The following TMC7 variants were observed in gnomAD, a reference collection of about 807,000 sequenced individuals.
The protein encoded by TMC7 is transmembrane channel-like protein 7.
A neutral mutation model predicts 82.9 loss-of-function variants in TMC7; 54 were observed. That is an observed-to-expected ratio of 0.65 (90% CI 0.52 to 0.82). The LOEUF is 0.82. Ranked by LOEUF, TMC7 falls within the 40% of genes least tolerant of loss-of-function variation. The probability of loss-of-function intolerance (pLI) is 0.00; values close to 1 mark genes in which losing one functional copy is unlikely to be tolerated. For missense variants in TMC7, 820 were observed against 901.2 expected, an observed-to-expected ratio of 0.91 and a Z score of 1.15; for synonymous variants, 350 against 337.9, an observed-to-expected ratio of 1.04 and a Z score of -0.39.
At chr16:18,986,107 G>A (rs984511873) in intron 1 of TMC7, among the ~76,000 whole-genome samples, 4 of 151,788 alleles carry the variant, frequency 2.6e-5, no homozygotes, top group Admixed American at 6.6e-5. Flanking sequence ...AAAACTTTCC[G>A]GTGGCTGGCC....
chr16:19,004,982 C>A (rs1406937653), intron 1 of TMC7, among the ~76,000 whole-genome samples: 1 of 151,898 alleles, frequency 6.6e-6, no homozygotes, highest in Non-Finnish European at 1.5e-5. Context: ...GAGACCACAC[C>A]AGCACAATGG....
intron 5 of TMC7, among the ~76,000 whole-genome samples, chr16:19,029,191 G>A (rs2142233316): frequency 6.6e-6 from 1 of 151,326 alleles, no homozygotes; most frequent in Non-Finnish European, 1.5e-5. Context: ...ATTTTTAGTA[G>A]AGACGGGGTT....
rs759357346 is a variant in TMC7, at chr16:19,040,430, C to T, written c.1321C>T (p.Arg441Cys). The part of the protein sequence containing the change: ...YEDYSPGFEI[R>C]LTILRCVFMR... ...GGATTATTCTCCAGGCTTTGAGATCCGTCTGACAATCCTTAGGTAATGCCT... is the reference window on the plus strand; with the variant it reads ...GGATTATTCTCCAGGCTTTGAGATCTGTCTGACAATCCTTAGGTAATGCCT... The change falls in exon 9 of 16, where the codon CGT becomes TGT. Residue 441 changes from arginine (R) to cysteine (C), a missense_variant. Coordinates refer to ENST00000304381, the MANE Select transcript of TMC7 (RefSeq NM_024847.4). 31 of 1,611,702 alleles carry T rather than the reference C, an allele frequency of 1.9e-5. No individual in the cohort carries two copies. Among genetic ancestry groups the T allele is most frequent in the African/African-American group, 2.7e-5 (2 of 74,866 alleles).
At chr16:19,036,080 A>T (rs1960734147) in intron 7 of TMC7, among the ~76,000 whole-genome samples, 2 of 152,004 alleles carry the variant, frequency 1.3e-5, no homozygotes, top group African/African-American at 2.4e-5. Flanking sequence ...GAAGAAGGTG[A>T]TGTCTTTCCC....
At chr16:19,053,875 A>ATTTTTTTTTT in intron 13 of TMC7, among the ~76,000 whole-genome samples, 1 of 124,812 alleles carries the variant, frequency 8.0e-6, no homozygotes, top group African/African-American at 3.1e-5. Flanking sequence ...TAAAGATGCG[A>ATTTTTTTTTT]TCTTGCTATG....
chr16:18,995,288 C>T lies in TMC7; in HGVS notation c.67+11158C>T, dbSNP rs778790958. Among the ~76,000 whole-genome samples the T allele has an allele frequency of 5.1e-4, 77 of 151,976 alleles. 1 individual carries two copies. Among genetic ancestry groups the T allele is most frequent in the Non-Finnish European group, 3.8e-4 (26 of 68,012 alleles). On this transcript the variant is annotated intron_variant, in intron 1 of 15. Coordinates refer to ENST00000304381, the MANE Select transcript of TMC7 (RefSeq NM_024847.4). ...AGGGTAATGTGGAGTGGGTAGCCTC[C>T]GTATTGATTAAGAAGGGGACAGACT...
intron 12 of TMC7, chr16:19,049,583 C>A: frequency 1.0e-6 from 1 of 980,704 alleles, no homozygotes. Flanking sequence ...TGAGAAAGCT[C>A]ACAGGAACTT....
intron 3 of TMC7, among the ~76,000 whole-genome samples, chr16:19,016,918 G>T (rs1959722440): frequency 6.6e-6 from 1 of 152,144 alleles, no homozygotes; most frequent in South Asian, 2.1e-4. Flanking sequence ...AGGCGCAGTG[G>T]CTCACTCCTG....
At chr16:19,059,683 G>C in intron 15 of TMC7, 189 bp downstream of exon 15, 2 of 1,535,918 alleles carry the variant, frequency 1.3e-6, no homozygotes, top group South Asian at 1.2e-5. Flanking sequence ...ATTCCTTCAA[G>C]ATGTGTATTA....
chr16:18,984,170 G>A (rs1567493072), intron 1 of TMC7, 40 bp downstream of exon 1: 2 of 1,462,076 alleles, frequency 1.4e-6, no homozygotes, highest in Non-Finnish European at 1.8e-6. Flanking sequence ...GGTGCCCCTG[G>A]GGTCCGAGGG....
chr16:19,002,007 G>C (rs142489337), intron 1 of TMC7, among the ~76,000 whole-genome samples: 169 of 152,234 alleles, frequency 1.1e-3, no homozygotes, highest in African/African-American at 4.0e-3. Context: ...CACCAAATAC[G>C]GTTGGGCAAG....
intron 5 of TMC7, among the ~76,000 whole-genome samples, chr16:19,025,708 A>G (rs1202524902): frequency 6.6e-6 from 1 of 152,166 alleles, no homozygotes; most frequent in Non-Finnish European, 1.5e-5. Flanking sequence ...AAATTGGTAG[A>G]AAGCCTTGAA....
intron 13 of TMC7, among the ~76,000 whole-genome samples, chr16:19,055,483 G>A (rs1961728193): frequency 1.3e-5 from 2 of 151,980 alleles, no homozygotes; most frequent in Non-Finnish European, 2.9e-5. Context: ...TCAGCCTCCC[G>A]AGTAGCTGGG....
chr16:19,047,713 A>ATT (rs35266186), intron 12 of TMC7, among the ~76,000 whole-genome samples: 5 of 123,112 alleles, frequency 4.1e-5, no homozygotes, highest in African/African-American at 1.6e-4. Context: ...CTCTTGATGG[A>ATT]TTTTTTTTTT....
intron 2 of TMC7, among the ~76,000 whole-genome samples, chr16:19,010,451 G>C (rs1374022309): frequency 1.3e-5 from 2 of 152,126 alleles, no homozygotes; most frequent in African/African-American, 2.4e-5. Context: ...ACCGTGCCTG[G>C]CAGAAGTTTA....
intron 6 of TMC7, among the ~76,000 whole-genome samples, chr16:19,034,874 A>G (rs1267460475): frequency 2.6e-5 from 4 of 152,138 alleles, no homozygotes; most frequent in Non-Finnish European, 5.9e-5. Flanking sequence ...ATGGGAGGAG[A>G]GACGACAGCA....
At chr16:19,035,934 GGT>G in intron 7 of TMC7, 111 bp downstream of exon 7, 7 of 1,279,956 alleles carry the variant, frequency 5.5e-6, no homozygotes, top group South Asian at 1.5e-5. Context: ...GGTTGTCCCT[GGT>G]ACTTAGCAAG....
chr16:19,004,895 G>T (rs550310126), intron 1 of TMC7, among the ~76,000 whole-genome samples: 152 of 151,296 alleles, frequency 1.0e-3, no homozygotes, highest in Middle Eastern at 3.4e-3. Context: ...TGGAATTGGA[G>T]TCTTGTTATG....
intron 8 of TMC7, among the ~76,000 whole-genome samples, chr16:19,039,092 CTTTTTT>C (rs376747652): frequency 2.3e-5 from 3 of 130,456 alleles, no homozygotes; most frequent in Non-Finnish European, 3.2e-5. Flanking sequence ...TTTCTTTTTT[CTTTTTT>C]TTTTTTTTTT....
Sources: gnomAD v4.1 joint callset for allele counts (sites outside exome capture counted in the v4.1 genomes callset) on GRCh38, gnomAD v4.1.1 for gene constraint, MANE v1.5 for transcripts, NCBI Gene and HGNC (gene_info 2026-07-23, HGNC 2026-07-21) for gene names.